The following GABRG3 variants were observed in gnomAD, a reference collection of about 807,000 sequenced individuals.
The protein encoded by GABRG3 is gamma-aminobutyric acid receptor subunit gamma-3.
Under a neutral mutation model 48.8 loss-of-function variants are expected in GABRG3, and 25 were observed. The observed-to-expected ratio is 0.51, with a 90% CI of 0.37 to 0.72. GABRG3 has a LOEUF of 0.72. Among genes scored for constraint, GABRG3 ranks in the 30% least tolerant of loss-of-function variants. The pLI, the probability that GABRG3 is intolerant of heterozygous loss-of-function variation, is 0.00. For synonymous variants in GABRG3, 227 were observed against 217.6 expected, an observed-to-expected ratio of 1.04 and a Z score of -0.38; for missense variants, 394 against 577.9, an observed-to-expected ratio of 0.68 and a Z score of 3.26.
intron 3 of GABRG3, among the ~76,000 whole-genome samples, chr15:27,080,885 G>A (rs192276608): frequency 6.2e-4 from 94 of 152,326 alleles, no homozygotes; most frequent in African/African-American, 2.0e-3. Context: ...GTGGTTCCCA[G>A]TGACTTGCTT....
At chr15:27,217,382 A>G (rs1473684503) in intron 3 of GABRG3, among the ~76,000 whole-genome samples, 1 of 152,164 alleles carries the variant, frequency 6.6e-6, no homozygotes, top group Non-Finnish European at 1.5e-5. Context: ...TAGGTATCTG[A>G]CGGAGAGCTT....
chr15:27,265,553 G>T (rs1036723905), intron 3 of GABRG3, among the ~76,000 whole-genome samples: 3 of 152,120 alleles, frequency 2.0e-5, no homozygotes, highest in African/African-American at 7.2e-5. Context: ...GCTTCACATC[G>T]GAGCGAAGGG....
intron 3 of GABRG3, among the ~76,000 whole-genome samples, chr15:27,112,283 G>T (rs1897565310): frequency 1.3e-5 from 2 of 152,116 alleles, no homozygotes; most frequent in South Asian, 4.1e-4. Context: ...ATTTAGAAAG[G>T]TCAGTGATTT....
chr15:27,442,633 G>A (rs900527351), intron 5 of GABRG3, among the ~76,000 whole-genome samples: 1 of 152,122 alleles, frequency 6.6e-6, no homozygotes, highest in African/African-American at 2.4e-5. Flanking sequence ...GCGCACTTTG[G>A]AAACCAGTCA....
intron 3 of GABRG3, among the ~76,000 whole-genome samples, chr15:27,167,996 G>T (rs1212026393): frequency 6.6e-6 from 1 of 152,128 alleles, no homozygotes; most frequent in Admixed American, 6.5e-5. Flanking sequence ...GGAGGGACCC[G>T]GCCCAAATCT....
intron 3 of GABRG3, among the ~76,000 whole-genome samples, chr15:27,201,459 G>A (rs1888682031): frequency 6.6e-6 from 1 of 151,584 alleles, no homozygotes; most frequent in African/African-American, 2.4e-5. Flanking sequence ...GAAAGAGAAG[G>A]AAAAGGAGGA....
chr15:27,110,157 CT>C (rs983629240), intron 3 of GABRG3, among the ~76,000 whole-genome samples: 1 of 151,808 alleles, frequency 6.6e-6, no homozygotes, highest in Non-Finnish European at 1.5e-5. Flanking sequence ...TTTCATTTAT[CT>C]TTTTTTAAGC....
chr15:27,185,743 AT>A (rs1191121680), intron 3 of GABRG3, among the ~76,000 whole-genome samples: 1 of 151,654 alleles, frequency 6.6e-6, no homozygotes, highest in Non-Finnish European at 1.5e-5. Flanking sequence ...TGAGATTGTT[AT>A]GTCTTCCTAG....
Position 27,480,702 on chromosome 15 carries a change from G to A in GABRG3, c.627G>A (p.Glu209=). Residue 209 remains glutamate (E), a synonymous_variant, in exon 6 of 10, where the codon GAG becomes GAA. Coordinates refer to ENST00000615808, the MANE Select transcript of GABRG3 (RefSeq NM_033223.5). ...MIYRWRKNSV[E]AADQKSWRLY... ...ATAGATGGAGAAAAAATTCAGTGGAGGCAGCTGACCAGAAATCATGGCGGC... is the reference window on the plus strand; with the variant it reads ...ATAGATGGAGAAAAAATTCAGTGGAAGCAGCTGACCAGAAATCATGGCGGC... 2 of 1,612,930 alleles carry A rather than the reference G, an allele frequency of 1.2e-6. No homozygotes were observed. The highest frequency in any genetic ancestry group is 1.7e-6 in the Non-Finnish European group (2 of 1,179,392).
At chr15:27,234,982 C>T (rs746562208) in intron 3 of GABRG3, among the ~76,000 whole-genome samples, 6 of 152,078 alleles carry the variant, frequency 3.9e-5, no homozygotes, top group Non-Finnish European at 8.8e-5. Context: ...GTCCACTCTC[C>T]AAATAGCCAC....
chr15:27,200,183 T>G (rs1298401400), intron 3 of GABRG3, among the ~76,000 whole-genome samples: 1 of 152,226 alleles, frequency 6.6e-6, no homozygotes, highest in Admixed American at 6.5e-5. Flanking sequence ...TAAGTTGTAG[T>G]GGGTATAGAC....
chr15:27,451,124 G>C (rs1889099707), intron 5 of GABRG3, among the ~76,000 whole-genome samples: 1 of 152,042 alleles, frequency 6.6e-6, no homozygotes. Flanking sequence ...ATCACCCAAA[G>C]TGATTCAGTG....
At position 27,540,900 on chromosome 15, in the gene GABRG3, C is replaced by G. The variant is rs574854725; in HGVS notation, c.*8019C>G. On this transcript the variant is annotated 3_prime_UTR_variant, in exon 10 of 10. Transcript: ENST00000615808. Reference sequence around the variant, plus strand: ...TATTAATAATGTGTGTCACTCTACCCATCACCCCAAATTTAGCTGAAACAA... The same window carrying G: ...TATTAATAATGTGTGTCACTCTACCGATCACCCCAAATTTAGCTGAAACAA... 6.6e-6 allele frequency: 1 copy of G among 152,302 alleles called. No homozygotes were observed. Among genetic ancestry groups the G allele is most frequent in the African/African-American group, 2.4e-5 (1 of 41,538 alleles). The allele number at this position is 152,302 out of a possible 1,614,324, so 9.4% of individuals were successfully genotyped here.
intron 5 of GABRG3, among the ~76,000 whole-genome samples, chr15:27,373,342 A>G (rs1160539758): frequency 1.3e-5 from 2 of 152,258 alleles, no homozygotes; most frequent in Non-Finnish European, 2.9e-5. Flanking sequence ...TTAAAGGAGC[A>G]TTTAAGGAAC....
At chr15:27,269,829 C>CATAT (rs201565270) in intron 3 of GABRG3, among the ~76,000 whole-genome samples, 13 of 151,952 alleles carry the variant, frequency 8.6e-5, no homozygotes, top group African/African-American at 3.1e-4. Flanking sequence ...TGTTAATTTT[C>CATAT]ATATATATAT....
At chr15:27,096,836 A>ATT (rs1897272251) in intron 3 of GABRG3, among the ~76,000 whole-genome samples, 1 of 114,096 alleles carries the variant, frequency 8.8e-6, no homozygotes, top group South Asian at 2.8e-4. Flanking sequence ...TTTTCTTTCT[A>ATT]TCTTTTTTTT....
At chr15:27,313,254 GTGTGTGTGTA>G (rs1351059903) in intron 3 of GABRG3, among the ~76,000 whole-genome samples, 38 of 62,534 alleles carry the variant, frequency 6.1e-4, no homozygotes, top group East Asian at 4.0e-3. Flanking sequence ...GTGTGTGTGT[GTGTGTGTGTA>G]TATATATATA....
chr15:27,408,184 A>G (rs937280016), intron 5 of GABRG3, among the ~76,000 whole-genome samples: 2 of 152,226 alleles, frequency 1.3e-5, no homozygotes, highest in Admixed American at 1.3e-4. Context: ...CTATAACAAG[A>G]GTAAGTATCA....
chr15:27,044,597 A>G (rs1896331651), intron 3 of GABRG3, among the ~76,000 whole-genome samples: 1 of 152,252 alleles, frequency 6.6e-6, no homozygotes, highest in African/African-American at 2.4e-5. Flanking sequence ...GCCAGTGTTA[A>G]AAGAAAACCT....
Sources: gnomAD v4.1 joint callset for allele counts (sites outside exome capture counted in the v4.1 genomes callset) on GRCh38, gnomAD v4.1.1 for gene constraint, MANE v1.5 for transcripts, NCBI Gene and HGNC (gene_info 2026-07-23, HGNC 2026-07-21) for gene names.